Variants in SYCE1 observed in about 807,000 individuals in gnomAD.
SYCE1 encodes synaptonemal complex central element protein 1.
Under a neutral mutation model 55.1 loss-of-function variants are expected in SYCE1, and 37 were observed. The observed-to-expected ratio is 0.67, with a 90% CI of 0.52 to 0.88. SYCE1 has a LOEUF of 0.88. Ranked by LOEUF, SYCE1 falls within the 40% of genes least tolerant of loss-of-function variation. The pLI, the probability that SYCE1 is intolerant of heterozygous loss-of-function variation, is 0.00. For synonymous variants in SYCE1, 163 were observed against 159.4 expected (o/e 1.02, Z -0.17); for missense variants, 399 against 416.4 (o/e 0.96, Z 0.36).
Position 133,557,315 on chromosome 10 carries a change from C to G in SYCE1, c.375-159G>C, listed in dbSNP as rs192891594. ...GTAGGGAGTGACATGACCATTTGCCCCCTGGAAGTATTGTTGTCAGGTTAA... is the reference window on the plus strand; with the variant it reads ...GTAGGGAGTGACATGACCATTTGCCGCCTGGAAGTATTGTTGTCAGGTTAA... On this transcript the variant is annotated intron_variant, in intron 6 of 12. Coordinates refer to ENST00000343131, the MANE Select transcript of SYCE1 (RefSeq NM_001143764.3). The G allele has an allele frequency of 1.8e-4, 121 of 657,638 alleles. No individual in the cohort carries two copies. In the African/African-American group the frequency reaches 1.9e-3, roughly 10 times the overall value. 40.7% of individuals were successfully genotyped at this position (657,638 alleles called of 1,614,324 possible). A position where few individuals can be genotyped will look rare whatever the true frequency, so the allele number is the denominator to read the frequency against.
upstream of SYCE1, chr10:133,565,629 C>A: frequency 1.7e-6 from 2 of 1,179,890 alleles, no homozygotes; most frequent in Non-Finnish European, 2.4e-6. Context: ...CGCGCCTGCG[C>A]AATGCACTCC....
chr10:133,556,661 G>A, intron 8 of SYCE1, 98 bp downstream of exon 8: 5 of 1,282,786 alleles, frequency 3.9e-6, no homozygotes, highest in Non-Finnish European at 5.5e-6. Context: ...GGCTTGCTTG[G>A]CGACTGGTTG....
rs1029656524 is a variant in SYCE1 at position 133,559,350 on chromosome 10, T to C, written c.147A>G (p.Leu49=). 5 of 1,613,990 alleles carry C rather than the reference T, an allele frequency of 3.1e-6. No individual in the cohort carries two copies. The highest frequency in any genetic ancestry group is 4.2e-6 in the Non-Finnish European group (5 of 1,179,998). ...MVQKLQKVGS[L]EPRVEVLINR... Reference sequence around the variant, plus strand: ...TAATCAGGACCTCAACTCGGGGCTCTAGGCTTCCCACTGCACGGAGGAAAG... The same window carrying C: ...TAATCAGGACCTCAACTCGGGGCTCCAGGCTTCCCACTGCACGGAGGAAAG... Residue 49 remains leucine (L), a synonymous_variant, in exon 3 of 13, where the codon CTA becomes CTG. Coordinates refer to ENST00000343131, the MANE Select transcript of SYCE1 (RefSeq NM_001143764.3).
At chr10:133,554,525 A>C, downstream of SYCE1, 1 of 655,406 alleles carries the variant, frequency 1.5e-6, no homozygotes, top group Non-Finnish European at 2.7e-6. Flanking sequence ...TCCTGTCCAA[A>C]AGTGCCTGAG....
downstream of SYCE1, chr10:133,554,734 AG>A (rs1564854351): frequency 9.9e-7 from 1 of 1,006,524 alleles, no homozygotes; most frequent in South Asian, 1.3e-5. Flanking sequence ...GTGTGTATGC[AG>A]GTGGGTTCCA....
chr10:133,561,731 A>G (rs1851818940), intron 1 of SYCE1, among the ~76,000 whole-genome samples: 1 of 148,296 alleles, frequency 6.7e-6, no homozygotes, highest in African/African-American at 2.5e-5. Flanking sequence ...AAGTTGTGTG[A>G]TCATTTGTTT....
chr10:133,559,072 G>A lies in SYCE1; in HGVS notation c.197-121C>T, dbSNP rs57340365. 3.0e-3 allele frequency: 3,352 copies of A among 1,110,338 alleles called. 72 individuals carry two copies. The African/African-American group carries it at 0.047, about 16-fold the overall frequency. The allele number at this position is 1,110,338 out of a possible 1,614,324, so 68.8% of individuals were successfully genotyped here. On this transcript the variant is annotated intron_variant, in intron 3 of 12. Coordinates refer to ENST00000343131, the MANE Select transcript of SYCE1 (RefSeq NM_001143764.3). Reference sequence around the variant, plus strand: ...GCCTAGATTTTATAGAGTAGGAAACGAGGCTTCCAGCTCTCCTTGCCAGGC... The same window carrying A: ...GCCTAGATTTTATAGAGTAGGAAACAAGGCTTCCAGCTCTCCTTGCCAGGC...
upstream of SYCE1, among the ~76,000 whole-genome samples, chr10:133,566,557 C>G (rs957363949): frequency 2.5e-5 from 2 of 78,976 alleles, no homozygotes; most frequent in African/African-American, 5.3e-5. Context: ...GGGCTAGGGT[C>G]GGGGTAGGGG....
At chr10:133,556,941 C>T in intron 7 of SYCE1, 119 bp from the exon 8 acceptor site, 1 of 1,482,186 alleles carries the variant, frequency 6.7e-7, no homozygotes. Context: ...CTCTGCTCCA[C>T]TGGGAACATC....
At chr10:133,565,950 G>A (rs1395059856), upstream of SYCE1, among the ~76,000 whole-genome samples, 1 of 152,252 alleles carries the variant, frequency 6.6e-6, no homozygotes, top group Non-Finnish European at 1.5e-5. Context: ...GCAGCCTCAT[G>A]AGGTTGCGGC....
At chr10:133,563,784 A>T (rs1278450084) in intron 1 of SYCE1, among the ~76,000 whole-genome samples, 2 of 152,118 alleles carry the variant, frequency 1.3e-5, no homozygotes. Context: ...AATCTTACAC[A>T]AATTACTGCT....
rs1402641448 is a variant in SYCE1 at position 133,559,339 on chromosome 10, A to G, written c.158T>C (p.Val53Ala). Residue 53 changes from valine (V) to alanine (A), a missense_variant, in exon 3 of 13, where the codon GTT becomes GCT. By Grantham distance (64) the Val-to-Ala change is moderately conservative. Transcript: ENST00000343131. ...ATTAATCCGGTTAATCAGGACCTCA[A>G]CTCGGGGCTCTAGGCTTCCCACTGC... The part of the protein sequence containing the change: ...LQKVGSLEPR[V>A]EVLINRINEV... The G allele has an allele frequency of 2.5e-6, 4 of 1,614,062 alleles. 1 individual carries two copies. The highest frequency in any genetic ancestry group is 2.2e-5 in the South Asian group (2 of 91,082).
Position 133,560,400 on chromosome 10 carries a change from G to A in SYCE1, c.74-247C>T. 3 of 323,446 alleles carry A rather than the reference G, an allele frequency of 9.3e-6. No individual in the cohort carries two copies. In the South Asian group the frequency reaches 3.2e-4, roughly 35 times the overall value. The allele number at this position is 323,446 out of a possible 1,614,324, so 20.0% of individuals were successfully genotyped here. ...GCAGGGGTGCACTCTCACTGCTGAGGCTGTTCAAAGTAAGATCAAAGCTCC... is the reference window on the plus strand; with the variant it reads ...GCAGGGGTGCACTCTCACTGCTGAGACTGTTCAAAGTAAGATCAAAGCTCC... On this transcript the variant is annotated intron_variant, in intron 1 of 12. Coordinates refer to ENST00000343131, the MANE Select transcript of SYCE1 (RefSeq NM_001143764.3).
At chr10:133,554,171 A>G (rs1359698041), downstream of SYCE1, 3 of 861,254 alleles carry the variant, frequency 3.5e-6, no homozygotes, top group Non-Finnish European at 5.7e-6. Context: ...TTTGTTTAAG[A>G]CAGGTATGAT....
rs145149327 is a variant in SYCE1 at position 133,557,085 on chromosome 10, T to C, written c.446A>G (p.Asn149Ser). The C allele has an allele frequency of 2.2e-5, 35 of 1,613,990 alleles. No individual in the cohort carries two copies. In the African/African-American group the frequency reaches 4.0e-4, roughly 18 times the overall value. The change falls in exon 7 of 13, where the codon AAC (asparagine) becomes AGC (serine). Residue 149 changes from asparagine (N) to serine (S), a missense_variant. Coordinates refer to ENST00000343131, the MANE Select transcript of SYCE1 (RefSeq NM_001143764.3). Reference sequence around the variant, plus strand: ...GGTTTACCTCAGCTGTCTCTGTTTGTTCTTCTCTTCTTCAATCTGCAAGTT... The same window carrying C: ...GGTTTACCTCAGCTGTCTCTGTTTGCTCTTCTCTTCTTCAATCTGCAAGTT... ...ALNLQIEEEK[N>S]KQRQLRLAFE...
chr10:133,566,430 G>GGGGTTGGGGTTGGGGTTTGTGTTA (rs1329515129), upstream of SYCE1, among the ~76,000 whole-genome samples: 1,756 of 151,400 alleles, frequency 0.012, no homozygotes, highest in African/African-American at 0.041. Flanking sequence ...GGTTAGAGTT[G>GGGGTTGGGGTTGGGGTTTGTGTTA]GGGTTGGGGT....
intron 4 of SYCE1, 91 bp from the exon 5 acceptor site, chr10:133,558,305 C>G (rs1315563464): frequency 1.4e-6 from 2 of 1,447,920 alleles, no homozygotes; most frequent in Non-Finnish European, 1.9e-6. Flanking sequence ...AAGCTGGGCA[C>G]AGCCTTGGCC....
upstream of SYCE1, among the ~76,000 whole-genome samples, chr10:133,567,516 C>T (rs182382501): frequency 6.6e-6 from 1 of 152,052 alleles, no homozygotes; most frequent in Non-Finnish European, 1.5e-5. Flanking sequence ...GGGAATGTTC[C>T]TGGGCTGTGA....
At position 133,558,976 on chromosome 10, in the gene SYCE1, T is replaced by C. The variant is rs202006241; in HGVS notation, c.197-25A>G. Reference sequence around the variant, plus strand: ...GCTTCACCAAAGAGCAGAAAAACATTGTGTGAGTGCAGCCTCTATTCTCTT... The same window carrying C: ...GCTTCACCAAAGAGCAGAAAAACATCGTGTGAGTGCAGCCTCTATTCTCTT... On this transcript the variant is annotated intron_variant, in intron 3 of 12. Transcript: ENST00000343131. The C allele has an allele frequency of 6.0e-5, 96 of 1,601,728 alleles. No homozygotes were observed. In the Middle Eastern group the frequency reaches 1.0e-3, roughly 17 times the overall value.
Sources: gnomAD v4.1 joint callset for allele counts (sites outside exome capture counted in the v4.1 genomes callset) on GRCh38, gnomAD v4.1.1 for gene constraint, MANE v1.5 for transcripts, NCBI Gene and HGNC (gene_info 2026-07-23, HGNC 2026-07-21) for gene names.